The following DMRT1 variants were observed in gnomAD, a reference collection of about 807,000 sequenced individuals.
DMRT1 encodes doublesex- and mab-3-related transcription factor 1.
Under a neutral mutation model 32.3 loss-of-function variants are expected in DMRT1, and 7 were observed. The ratio of observed to expected loss-of-function variants is 0.22; its 90% CI spans 0.12 to 0.41. DMRT1 has a LOEUF of 0.41. Among genes scored for constraint, DMRT1 ranks in the 10% least tolerant of loss-of-function variants. The pLI is 1.00. For missense variants in DMRT1, 625 were observed against 500.5 expected, an observed-to-expected ratio of 1.25 and a Z score of -2.37; for synonymous variants, 278 against 206.1, an observed-to-expected ratio of 1.35 and a Z score of -2.99.
intron 4 of DMRT1, among the ~76,000 whole-genome samples, chr9:945,342 G>A (rs1263691285): frequency 2.0e-5 from 3 of 152,124 alleles, no homozygotes; most frequent in African/African-American, 7.2e-5. Context: ...TTTTAGTAGA[G>A]ACAGGGTTTC....
intron 2 of DMRT1, among the ~76,000 whole-genome samples, chr9:856,294 C>A (rs1420895411): frequency 6.6e-6 from 1 of 152,164 alleles, no homozygotes; most frequent in African/African-American, 2.4e-5. Context: ...CCAGGTAATT[C>A]ATTTGTCTCA....
chr9:902,346 C>T (rs2057430), intron 3 of DMRT1, among the ~76,000 whole-genome samples: 93,781 of 150,844 alleles, frequency 0.62, 30,849 homozygotes, highest in Non-Finnish European at 0.72. Flanking sequence ...CTCCACCTTT[C>T]TTTTTTAAGA....
intron 4 of DMRT1, 147 bp downstream of exon 4, chr9:917,054 G>T (rs924169056): frequency 2.3e-5 from 21 of 905,590 alleles, no homozygotes; most frequent in East Asian, 1.6e-4. Context: ...ATCCTTTAAA[G>T]AATTTAGTTA....
intron 4 of DMRT1, among the ~76,000 whole-genome samples, chr9:918,110 G>C (rs1283331214): frequency 6.6e-6 from 1 of 152,186 alleles, no homozygotes; most frequent in Non-Finnish European, 1.5e-5. Flanking sequence ...CTTACCTGCT[G>C]TGATGCCTTT....
intron 4 of DMRT1, 124 bp downstream of exon 4, chr9:917,031 A>T (rs181702710): frequency 9.7e-7 from 1 of 1,027,068 alleles, no homozygotes; most frequent in East Asian, 2.5e-5. Context: ...TGCTGTGTGA[A>T]GCTTGGATAA....
intron 3 of DMRT1, among the ~76,000 whole-genome samples, chr9:910,684 C>G (rs1458023672): frequency 6.6e-6 from 1 of 151,976 alleles, no homozygotes; most frequent in Non-Finnish European, 1.5e-5. Context: ...ACTCCAAGGT[C>G]TTGGGTTGCC....
At chr9:871,631 G>A (rs1466409803) in intron 2 of DMRT1, among the ~76,000 whole-genome samples, 30 of 32,372 alleles carry the variant, frequency 9.3e-4, no homozygotes, top group Middle Eastern at 0.016. Flanking sequence ...GCGAGCCACC[G>A]CGCCGGCTAA....
At chr9:886,746 A>G (rs1019714352) in intron 2 of DMRT1, among the ~76,000 whole-genome samples, 1 of 152,062 alleles carries the variant, frequency 6.6e-6, no homozygotes, top group African/African-American at 2.4e-5. Flanking sequence ...TGGAAATATT[A>G]CTTTTAGGTT....
At chr9:925,641 TTTCTCTTCATTTCCTTCCTTTTCTTTTTC>T (rs1818498408) in intron 4 of DMRT1, among the ~76,000 whole-genome samples, 1 of 152,218 alleles carries the variant, frequency 6.6e-6, no homozygotes, top group South Asian at 2.1e-4. Context: ...ATCCTGTGTT[TTTCTCTTCATTTCCTTCCTTTTCTTTTTC>T]TTCCCTTACA....
chr9:929,250 A>T (rs541961971), intron 4 of DMRT1, among the ~76,000 whole-genome samples: 4 of 152,246 alleles, frequency 2.6e-5, no homozygotes, highest in African/African-American at 9.6e-5. Flanking sequence ...TGAACAAAGG[A>T]TTGCAGTACC....
intron 4 of DMRT1, among the ~76,000 whole-genome samples, chr9:934,589 T>C (rs1426287221): frequency 6.6e-6 from 1 of 152,222 alleles, no homozygotes; most frequent in Non-Finnish European, 1.5e-5. Flanking sequence ...CTGTGTCATA[T>C]TGTCTTCTAA....
chr9:841,868 C>T lies in DMRT1; in HGVS notation c.30C>T (p.Pro10=), dbSNP rs572998698. Residue 10 remains proline, a synonymous_variant, in exon 1 of 5, where the codon CCC becomes CCT. Transcript: ENST00000382276. The stretch of plus-strand genomic sequence containing the variant: ...CCAACGACGAGGCATTCAGCAAGCC[C>T]TCTACACCGTCGGAAGCCCCTCACG... MPNDEAFSK[P]STPSEAPHAP... is the part of the protein sequence containing the mutation. 1.2e-6 allele frequency: 2 copies of T among 1,612,834 alleles called. No homozygotes were observed. The highest frequency in any genetic ancestry group is 2.2e-5 in the East Asian group (1 of 44,860).
At position 847,025 on chromosome 9, in the gene DMRT1, C is replaced by T. The variant is rs774523353; in HGVS notation, c.420C>T (p.Pro140=). 2.5e-6 allele frequency: 4 copies of T among 1,614,140 alleles called. No individual in the cohort carries two copies. Among genetic ancestry groups the T allele is most frequent in the Non-Finnish European group, 2.5e-6 (3 of 1,180,034 alleles). Residue 140 remains proline (P), a synonymous_variant, in exon 2 of 5, where the codon CCC becomes CCT. Transcript: ENST00000382276. ...ELGISHPIPL[P]SAAELLVKRE... ...GTATCAGCCACCCCATCCCACTGCC[C>T]AGTGCGGCCGAGCTGCTTGTCAAAA...
intron 2 of DMRT1, among the ~76,000 whole-genome samples, chr9:848,147 C>A (rs1838983850): frequency 6.6e-6 from 1 of 152,198 alleles, no homozygotes; most frequent in South Asian, 2.1e-4. Context: ...GTGATATCAC[C>A]TTGACTAAGC....
chr9:842,331 T>G, intron 1 of DMRT1, 139 bp downstream of exon 1: 4 of 1,099,916 alleles, frequency 3.6e-6, no homozygotes, highest in African/African-American at 1.6e-5. Flanking sequence ...GCTTCCCGGG[T>G]TCAAGCAATT....
At chr9:964,196 G>GTTT (rs577644286) in intron 4 of DMRT1, among the ~76,000 whole-genome samples, 103 of 150,576 alleles carry the variant, frequency 6.8e-4, no homozygotes, top group African/African-American at 2.4e-3. Flanking sequence ...AGAGTTTTGT[G>GTTT]GTTTTTTTTT....
intron 2 of DMRT1, among the ~76,000 whole-genome samples, chr9:876,427 C>G (rs1816501817): frequency 6.6e-6 from 1 of 152,128 alleles, no homozygotes; most frequent in South Asian, 2.1e-4. Flanking sequence ...AGCTTAAGAA[C>G]TTGACCTCTT....
chr9:943,741 AATTTACTG>A (rs370065377), intron 4 of DMRT1, among the ~76,000 whole-genome samples: 45 of 152,358 alleles, frequency 3.0e-4, no homozygotes, highest in African/African-American at 1.0e-3. Context: ...AGCAGATTAC[AATTTACTG>A]ATGAAGGACC....
chr9:841,799 G>C lies in DMRT1; in HGVS notation c.-40G>C. The C allele has an allele frequency of 1.9e-6, 3 of 1,580,106 alleles. No homozygotes were observed. The highest frequency in any genetic ancestry group is 2.6e-6 in the Non-Finnish European group (3 of 1,163,578). ...ATCCCTCGCAGCAGTCTCCAGGCGA[G>C]AGAGGGGGCCAGAGTGCTCGCACTT... is the stretch of plus-strand genomic sequence containing the variant. On this transcript the variant is annotated 5_prime_UTR_variant, in exon 1 of 5. Coordinates refer to ENST00000382276, the MANE Select transcript of DMRT1 (RefSeq NM_021951.3).
Sources: gnomAD v4.1 joint callset for allele counts (sites outside exome capture counted in the v4.1 genomes callset) on GRCh38, gnomAD v4.1.1 for gene constraint, MANE v1.5 for transcripts, NCBI Gene and HGNC (gene_info 2026-07-23, HGNC 2026-07-21) for gene names.